TAF1: variants seen among roughly 807,000 people sequenced by gnomAD.
TAF1 encodes TATA-box binding protein associated factor 1.
A neutral mutation model predicts 138.5 loss-of-function variants in TAF1; 2 were observed. That is an observed-to-expected ratio of 0.01 (90% CI 0.01 to 0.05). The LOEUF (loss-of-function observed/expected upper bound fraction) is 0.05. Ranked by LOEUF, TAF1 falls within the 10% of genes least tolerant of loss-of-function variation. The pLI, the probability that TAF1 is intolerant of heterozygous loss-of-function variation, is 1.00. For synonymous variants in TAF1, 437 were observed against 503.2 expected (o/e 0.87, Z 1.76); for missense variants, 709 against 1,478.0 (o/e 0.48, Z 8.53).
At chrX:71,381,956 T>G in intron 9 of TAF1, 37 bp downstream of exon 9, 1 of 1,113,803 alleles carries the variant, frequency 9.0e-7, no homozygotes, top group Non-Finnish European at 1.2e-6. Flanking sequence ...TCTTCTCCTT[T>G]GAAAACTTGC....
intron 32 of TAF1, among the ~76,000 whole-genome samples, chrX:71,443,059 T>A (rs763579834): frequency 8.9e-6 from 1 of 112,242 alleles, no homozygotes; most frequent in East Asian, 2.8e-4. Flanking sequence ...TTTTGGTTAC[T>A]GTAGCCTTGT....
chrX:71,482,915 C>T (rs1344224800), intron 13 of TAF1, among the ~76,000 whole-genome samples: 2 of 111,674 alleles, frequency 1.8e-5, no homozygotes, highest in Non-Finnish European at 3.8e-5. Context: ...ATATTTTAAA[C>T]GCTTGTTGTC....
At chrX:71,437,212 C>T (rs1341249017) in intron 32 of TAF1, among the ~76,000 whole-genome samples, 1 of 110,557 alleles carries the variant, frequency 9.0e-6, no homozygotes, top group African/African-American at 3.3e-5. Flanking sequence ...CTCTTTTTTT[C>T]CTAACTGGTT....
At chrX:71,423,082 A>G (rs1409678241) in intron 29 of TAF1, 35 bp from the exon 30 acceptor site, 2 of 1,209,175 alleles carry the variant, frequency 1.7e-6, no homozygotes, top group Non-Finnish European at 2.2e-6. Context: ...ACCTTAGGGA[A>G]ACCTCTGTCT....
chrX:71,500,517 T>A (rs1472520449), intron 13 of TAF1, among the ~76,000 whole-genome samples: 2 of 100,765 alleles, frequency 2.0e-5, no homozygotes, highest in Non-Finnish European at 4.0e-5. Flanking sequence ...TTTTGGTTTG[T>A]TTGCTCCCCA....
intron 25 of TAF1, among the ~76,000 whole-genome samples, chrX:71,402,219 C>T (rs1412469706): frequency 8.9e-6 from 1 of 111,767 alleles, no homozygotes; most frequent in African/African-American, 3.3e-5. Context: ...GCGATTCTCA[C>T]GCCTCAGCCT....
At chrX:71,453,512 A>G (rs779037730) in intron 32 of TAF1, among the ~76,000 whole-genome samples, 1 of 108,982 alleles carries the variant, frequency 9.2e-6, no homozygotes, top group Non-Finnish European at 1.9e-5. Context: ...TGACGGAGCG[A>G]AACTCTGTCT....
chrX:71,497,252 G>A (rs1184887646), intron 13 of TAF1, among the ~76,000 whole-genome samples: 2 of 111,839 alleles, frequency 1.8e-5, no homozygotes, highest in Non-Finnish European at 3.8e-5. Flanking sequence ...GGTGGCATAA[G>A]TCTGGACTAT....
chrX:71,378,166 A>G, intron 6 of TAF1, 69 bp from the exon 7 acceptor site: 2 of 1,078,841 alleles, frequency 1.9e-6, no homozygotes, highest in East Asian at 3.0e-5. Context: ...CTGACTGTTA[A>G]CTCTCTATAG....
intron 13 of TAF1, among the ~76,000 whole-genome samples, chrX:71,484,727 T>C (rs1481671756): frequency 2.7e-5 from 3 of 112,316 alleles, no homozygotes; most frequent in Non-Finnish European, 5.6e-5. Flanking sequence ...ATTTATGCTT[T>C]TGTATAAGTC....
At chrX:71,453,841 T>C (rs183620289) in intron 32 of TAF1, among the ~76,000 whole-genome samples, 1 of 111,351 alleles carries the variant, frequency 9.0e-6, no homozygotes, top group Non-Finnish European at 1.9e-5. Context: ...TAGCAACACA[T>C]ACTGAACAAT....
At chrX:71,400,130 C>T (rs975163630) in intron 24 of TAF1, among the ~76,000 whole-genome samples, 3 of 109,649 alleles carry the variant, frequency 2.7e-5, no homozygotes, top group African/African-American at 1.0e-4. Flanking sequence ...TGCTTAATCG[C>T]TCAGGCTGGA....
intron 13 of TAF1, among the ~76,000 whole-genome samples, chrX:71,520,664 G>A (rs1210787414): frequency 2.6e-4 from 13 of 50,227 alleles, no homozygotes; most frequent in Admixed American, 2.1e-3. Context: ...CAGCCTGGGC[G>A]ACAGAGTGAG....
chrX:71,437,175 A>C (rs2037186931), intron 32 of TAF1, among the ~76,000 whole-genome samples: 1 of 111,861 alleles, frequency 8.9e-6, no homozygotes, highest in South Asian at 3.7e-4. Context: ...TATAAAATTT[A>C]AAAGCTTTGC....
intron 12 of TAF1, 91 bp from the exon 13 acceptor site, chrX:71,383,871 T>G (rs2034046823): frequency 3.0e-6 from 3 of 1,005,391 alleles, no homozygotes; most frequent in Non-Finnish European, 4.0e-6. Context: ...AGGTAAAATG[T>G]TTTTGGTGTG....
intron 13 of TAF1, among the ~76,000 whole-genome samples, chrX:71,487,317 A>ATTTTTTTTTT (rs60691914): frequency 1.8e-4 from 10 of 55,025 alleles, no homozygotes; most frequent in African/African-American, 3.0e-4. Flanking sequence ...TAATGTATGT[A>ATTTTTTTTTT]TTTTTTTTTT....
intron 32 of TAF1, among the ~76,000 whole-genome samples, chrX:71,436,616 G>A (rs2037160411): frequency 9.0e-6 from 1 of 110,816 alleles, no homozygotes. Context: ...TTAAGTGCTG[G>A]GATTACAGGC....
At chrX:71,407,258 C>G (rs1448443433) in intron 26 of TAF1, among the ~76,000 whole-genome samples, 9 of 95,468 alleles carry the variant, frequency 9.4e-5, no homozygotes, top group African/African-American at 3.6e-4. Context: ...CGCTCTGTTA[C>G]CCAGGCTGGA....
chrX:71,452,031 C>T (rs750187976), intron 32 of TAF1, among the ~76,000 whole-genome samples: 1 of 111,092 alleles, frequency 9.0e-6, no homozygotes, highest in African/African-American at 3.3e-5. Flanking sequence ...CAGAGGGGCT[C>T]CTCACTTCCC....
Sources: gnomAD v4.1 joint callset for allele counts (sites outside exome capture counted in the v4.1 genomes callset) on GRCh38, gnomAD v4.1.1 for gene constraint, MANE v1.5 for transcripts, NCBI Gene and HGNC (gene_info 2026-07-23, HGNC 2026-07-21) for gene names.